The following ARSK variants were observed in gnomAD, a reference collection of about 807,000 sequenced individuals.
The protein encoded by ARSK is arylsulfatase family member K.
A neutral mutation model predicts 53.2 loss-of-function variants in ARSK; 37 were observed. That is an observed-to-expected ratio of 0.70 (90% CI 0.54 to 0.92). The LOEUF is 0.92. ARSK is among the 40% of genes least tolerant of loss of function. ARSK has a pLI of 0.00. For synonymous variants in ARSK, 208 were observed against 223.2 expected, an observed-to-expected ratio of 0.93 and a Z score of 0.61; for missense variants, 613 against 643.0, an observed-to-expected ratio of 0.95 and a Z score of 0.51.
chr5:95,567,922 G>C lies in ARSK; in HGVS notation c.289G>C (p.Glu97Gln), dbSNP rs1748754903. The part of the protein sequence containing the change: ...MWSGLFTHLT[E>Q]SWNNFKGLDP... Reference sequence around the variant, plus strand: ...GAGTGGCCTCTTCACTCACTTAACAGAATCTTGGAATAATTTTAAGGGTCT... The same window carrying C: ...GAGTGGCCTCTTCACTCACTTAACACAATCTTGGAATAATTTTAAGGGTCT... The change falls in exon 3 of 8, where the codon GAA (glutamate) becomes CAA (glutamine). Residue 97 changes from glutamate (E) to glutamine (Q), a missense_variant. Coordinates refer to ENST00000380009, the MANE Select transcript of ARSK (RefSeq NM_198150.3). The C allele has an allele frequency of 6.2e-7, 1 of 1,608,106 alleles. No individual in the cohort carries two copies. Among genetic ancestry groups the C allele is most frequent in the African/African-American group, 1.3e-5 (1 of 74,082 alleles).
At chr5:95,580,903 G>C (rs754959831) in intron 3 of ARSK, 1 of 1,287,952 alleles carries the variant, frequency 7.8e-7, no homozygotes, top group African/African-American at 1.5e-5. Context: ...CACAGTGAAC[G>C]TGGGTCAACT....
rs1258338042 is a variant in ARSK at position 95,582,991 on chromosome 5, C to G, written c.492C>G (p.Ile164Met). The G allele has an allele frequency of 3.1e-6, 5 of 1,613,688 alleles. No homozygotes were observed. The East Asian group carries it at 1.1e-4, about 36-fold the overall frequency. ...RQEGRPMVNL[I>M]RNRTKVRVME... ...AAGGCAGGCCCATGGTTAATCTTAT[C>G]CGTAACAGGACTAAAGTCAGAGTGA... The change falls in exon 4 of 8, where the codon ATC (isoleucine) becomes ATG (methionine). Residue 164 changes from isoleucine (I) to methionine (M), a missense_variant. Physicochemically the swap from Ile to Met is conservative, Grantham distance 10. Coordinates refer to ENST00000380009, the MANE Select transcript of ARSK (RefSeq NM_198150.3).
intron 3 of ARSK, among the ~76,000 whole-genome samples, chr5:95,582,517 G>T (rs913672286): frequency 6.6e-6 from 1 of 152,008 alleles, no homozygotes; most frequent in Admixed American, 6.6e-5. Context: ...AACTATAAAT[G>T]TTTAGTGATA....
intron 4 of ARSK, among the ~76,000 whole-genome samples, chr5:95,584,157 T>G (rs1315406949): frequency 6.6e-6 from 1 of 152,232 alleles, no homozygotes; most frequent in African/African-American, 2.4e-5. Context: ...CTCTTCATTA[T>G]CTGTTTTTAT....
rs912941805 is a variant in ARSK at position 95,604,181 on chromosome 5, C to G, written c.*655C>G. The G allele has an allele frequency of 6.6e-6, 1 of 151,956 alleles. No individual in the cohort carries two copies. Among genetic ancestry groups the G allele is most frequent in the Admixed American group, 6.6e-5 (1 of 15,262 alleles). 9.4% of individuals were successfully genotyped at this position (151,956 alleles called of 1,614,324 possible). On this transcript the variant is annotated 3_prime_UTR_variant, in exon 8 of 8. Coordinates refer to ENST00000380009, the MANE Select transcript of ARSK (RefSeq NM_198150.3). ...TTGTATGTGAGCATTTGATGGTGCT[C>G]GATGAGTTACTTGTATTTGATGGGA...
At chr5:95,579,179 C>A (rs1019635995) in intron 3 of ARSK, among the ~76,000 whole-genome samples, 1 of 152,160 alleles carries the variant, frequency 6.6e-6, no homozygotes, top group South Asian at 2.1e-4. Flanking sequence ...CTGTGCATCT[C>A]AAACCTTAAT....
At chr5:95,569,102 C>T (rs1441168060) in intron 3 of ARSK, among the ~76,000 whole-genome samples, 1 of 152,164 alleles carries the variant, frequency 6.6e-6, no homozygotes, top group Admixed American at 6.5e-5. Context: ...ATGAGCGCAG[C>T]TGTATTCTGG....
intron 3 of ARSK, among the ~76,000 whole-genome samples, chr5:95,575,923 A>G (rs1410614953): frequency 6.6e-6 from 1 of 152,178 alleles, no homozygotes; most frequent in Non-Finnish European, 1.5e-5. Context: ...TACTATGTTC[A>G]ATAACAGTGG....
chr5:95,580,212 T>G (rs1748998682), intron 3 of ARSK, among the ~76,000 whole-genome samples: 1 of 152,118 alleles, frequency 6.6e-6, no homozygotes, highest in Non-Finnish European at 1.5e-5. Flanking sequence ...ACCATACTCT[T>G]GGTATTCTGG....
intron 4 of ARSK, among the ~76,000 whole-genome samples, chr5:95,584,639 T>C (rs919757732): frequency 1.3e-5 from 2 of 152,008 alleles, no homozygotes; most frequent in African/African-American, 4.8e-5. Flanking sequence ...CTTCGCAATC[T>C]ATACATCTGA....
chr5:95,572,263 G>A (rs191481940), intron 3 of ARSK, among the ~76,000 whole-genome samples: 1 of 152,110 alleles, frequency 6.6e-6, no homozygotes, highest in Admixed American at 6.5e-5. Flanking sequence ...ATTTACTGAT[G>A]ATAAGACCTT....
chr5:95,600,129 G>A (rs1749378449), intron 6 of ARSK, among the ~76,000 whole-genome samples: 1 of 152,080 alleles, frequency 6.6e-6, no homozygotes, highest in South Asian at 2.1e-4. Flanking sequence ...TGTTCTATAT[G>A]TCTACATTTG....
chr5:95,563,143 C>T (rs539482415), intron 1 of ARSK, among the ~76,000 whole-genome samples: 2 of 152,196 alleles, frequency 1.3e-5, no homozygotes, highest in East Asian at 1.9e-4. Context: ...AAGTCAAAAA[C>T]CAAAACTTCT....
At chr5:95,557,825 AC>A (rs1479158826) in intron 1 of ARSK, among the ~76,000 whole-genome samples, 1 of 152,258 alleles carries the variant, frequency 6.6e-6, no homozygotes, top group African/African-American at 2.4e-5. Context: ...AAACAAGCAA[AC>A]CAAATGAAAA....
intron 1 of ARSK, among the ~76,000 whole-genome samples, chr5:95,564,062 C>T (rs1748682970): frequency 6.7e-6 from 1 of 149,614 alleles, no homozygotes; most frequent in African/African-American, 2.5e-5. Flanking sequence ...ACTGCAACCT[C>T]TGCTTCCCGG....
At chr5:95,589,927 C>T (rs1188284443) in intron 5 of ARSK, among the ~76,000 whole-genome samples, 3 of 152,206 alleles carry the variant, frequency 2.0e-5, no homozygotes, top group Non-Finnish European at 4.4e-5. Flanking sequence ...TCTCCACAAC[C>T]TCTCCAAAAT....
At chr5:95,597,485 G>A (rs1478046026) in intron 6 of ARSK, among the ~76,000 whole-genome samples, 2 of 152,182 alleles carry the variant, frequency 1.3e-5, no homozygotes, top group African/African-American at 2.4e-5. Context: ...AGTATTAAAA[G>A]TACAGAGATT....
At position 95,603,338 on chromosome 5, in the gene ARSK, A is replaced by G; in HGVS notation, c.1423A>G (p.Lys475Glu). 2 of 1,612,752 alleles carry G rather than the reference A, an allele frequency of 1.2e-6. No homozygotes were observed. Among genetic ancestry groups the G allele is most frequent in the Non-Finnish European group, 1.7e-6 (2 of 1,179,250 alleles). ...GCTTCATTCCATTATAAACTACCCT[A>G]AAGTTTCTGCTTCTGTCCACCAGTA... is the stretch of plus-strand genomic sequence containing the variant. Reference protein sequence around the residue: ...QKLHSIINYPKVSASVHQYNK... With the variant: ...QKLHSIINYPEVSASVHQYNK... Residue 475 changes from lysine to glutamate, a missense_variant, in exon 8 of 8, where the codon AAA (lysine) becomes GAA (glutamate). Transcript: ENST00000380009.
chr5:95,580,247 TA>T (rs35461612), intron 3 of ARSK, among the ~76,000 whole-genome samples: 28,028 of 152,032 alleles, frequency 0.18, 3,760 homozygotes, highest in African/African-American at 0.38. Flanking sequence ...AATGGAATGG[TA>T]AAAAAATTGG....
Sources: allele counts gnomAD v4.1 joint callset (sites outside exome capture counted in the v4.1 genomes callset), GRCh38; gene constraint gnomAD v4.1.1; transcripts MANE v1.5; gene names NCBI Gene and HGNC (gene_info 2026-07-23, HGNC 2026-07-21).